Variants in ATP2B3 observed in about 807,000 individuals in gnomAD.
ATP2B3 encodes ATPase plasma membrane Ca2+ transporting 3, also known as plasma membrane calcium-transporting ATPase 3.
In ATP2B3, 12 loss-of-function variants were observed where a neutral mutation model predicts 70.8. The ratio of observed to expected loss-of-function variants is 0.17; its 90% CI spans 0.11 to 0.27. The LOEUF (loss-of-function observed/expected upper bound fraction) is 0.27, where lower values mean the gene tolerates loss of function less well. ATP2B3 is among the 10% of genes least tolerant of loss of function. ATP2B3 has a pLI of 1.00. For synonymous variants in ATP2B3, 460 were observed against 497.8 expected (o/e 0.92, Z 1.01); for missense variants, 858 against 1,118.5 (o/e 0.77, Z 3.32).
intron 15 of ATP2B3, 133 bp downstream of exon 15, chrX:153,556,551 CA>C (rs1176271576): frequency 1.4e-6 from 1 of 689,778 alleles, no homozygotes; most frequent in African/African-American, 2.2e-5. Context: ...CCCATTAGCC[CA>C]GAGCAGCAGG....
chrX:153,572,052 C>G (rs781854563), intron 21 of ATP2B3, among the ~76,000 whole-genome samples: 1 of 112,841 alleles, frequency 8.9e-6, no homozygotes, highest in East Asian at 2.8e-4. Context: ...TCACCAAGCC[C>G]AGCACTCTCA....
intron 2 of ATP2B3, among the ~76,000 whole-genome samples, chrX:153,528,510 G>A (rs113467650): frequency 8.9e-6 from 1 of 111,976 alleles, no homozygotes; most frequent in Non-Finnish European, 1.9e-5. Flanking sequence ...CCTCAGGGAG[G>A]CCTCCTGGCT....
intron 2 of ATP2B3, among the ~76,000 whole-genome samples, chrX:153,531,654 T>C (rs1441192571): frequency 2.2e-4 from 25 of 112,730 alleles, no homozygotes; most frequent in Non-Finnish European, 5.6e-5. Context: ...TGGGCCTGGC[T>C]CTGGCTTCCA....
rs185483615 is a variant in ATP2B3, at chrX:153,548,017, T to G, written c.1123+18T>G. On this transcript the variant is annotated intron_variant, in intron 9 of 21. Transcript: ENST00000263519. ...GAAAGCAGGTAGGGACAGCAGGAGG[T>G]GGTGGGCCCAGGCCATTGACTGGGC... 3.5e-3 allele frequency: 4,122 copies of G among 1,187,069 alleles called. 99 individuals are homozygous for G. In the African/African-American group the frequency reaches 0.06, roughly 17 times the overall value.
intron 21 of ATP2B3, among the ~76,000 whole-genome samples, chrX:153,571,154 G>T (rs1055568235): frequency 1.1e-4 from 12 of 112,374 alleles, no homozygotes; most frequent in Non-Finnish European, 2.1e-4. Context: ...CTGAAAAGCA[G>T]TCGGCGCCTC....
chrX:153,521,179 A>C (rs1556997730), intron 2 of ATP2B3, among the ~76,000 whole-genome samples: 1 of 113,044 alleles, frequency 8.8e-6, no homozygotes, highest in Admixed American at 9.3e-5. Flanking sequence ...GACCTGGAGC[A>C]TGCACAGGGC....
At chrX:153,574,714 A>G in intron 21 of ATP2B3, 1 of 306,156 alleles carries the variant, frequency 3.3e-6, no homozygotes, top group Non-Finnish European at 6.5e-6. Context: ...GCCCTTCTCC[A>G]CCCTCATCCT....
intron 20 of ATP2B3, among the ~76,000 whole-genome samples, chrX:153,562,824 CACTT>C (rs1480018719): frequency 1.8e-5 from 2 of 112,430 alleles, no homozygotes; most frequent in Admixed American, 9.4e-5. Context: ...AGACAACAGA[CACTT>C]ACTTTCTCGA....
intron 11 of ATP2B3, 136 bp from the exon 12 acceptor site, chrX:153,549,909 G>A (rs2090430724): frequency 1.4e-5 from 15 of 1,092,822 alleles, no homozygotes; most frequent in Non-Finnish European, 1.8e-5. Flanking sequence ...CTGTAGCTAA[G>A]GCCGACCTTC....
chrX:153,579,404 G>A (rs1389712876), intron 21 of ATP2B3, among the ~76,000 whole-genome samples: 1 of 112,939 alleles, frequency 8.9e-6, no homozygotes, highest in African/African-American at 3.2e-5. Context: ...AGACCCATGC[G>A]AGAAAGGCCG....
intron 2 of ATP2B3, among the ~76,000 whole-genome samples, chrX:153,522,381 G>A (rs148049471): frequency 3.2e-3 from 360 of 112,343 alleles, no homozygotes; most frequent in African/African-American, 0.011. Flanking sequence ...GGCTGGGGCC[G>A]GGAGGATGGA....
chrX:153,575,986 G>T (rs782357198), intron 21 of ATP2B3, among the ~76,000 whole-genome samples: 2 of 112,072 alleles, frequency 1.8e-5, no homozygotes, highest in African/African-American at 6.5e-5. Flanking sequence ...ACCCGGATGA[G>T]ATGGGGAGTC....
intron 2 of ATP2B3, among the ~76,000 whole-genome samples, chrX:153,528,240 C>T (rs934599294): frequency 3.6e-5 from 4 of 112,547 alleles, no homozygotes; most frequent in Non-Finnish European, 5.6e-5. Context: ...TGGAGCTAGA[C>T]CACTTGAGGT....
chrX:153,532,009 C>T (rs1158867775), intron 2 of ATP2B3, among the ~76,000 whole-genome samples: 3 of 111,839 alleles, frequency 2.7e-5, no homozygotes, highest in Admixed American at 9.4e-5. Flanking sequence ...GTCATCAGAG[C>T]GTCCCAGCAA....
chrX:153,529,491 C>T (rs942153762), intron 2 of ATP2B3, among the ~76,000 whole-genome samples: 28 of 112,065 alleles, frequency 2.5e-4, no homozygotes, highest in Non-Finnish European at 1.9e-5. Context: ...CCATTCAGGC[C>T]CAGTGTCCAC....
At chrX:153,550,532 G>A (rs953841724) in intron 12 of ATP2B3, among the ~76,000 whole-genome samples, 2 of 111,856 alleles carry the variant, frequency 1.8e-5, no homozygotes, top group African/African-American at 3.3e-5. Context: ...AGCCTCATGT[G>A]CTTCCTGTCT....
Position 153,558,289 on chromosome X carries a change from G to A in ATP2B3, c.2611G>A (p.Ala871Thr), listed in dbSNP as rs782755399. Residue 871 changes from alanine (A) to threonine (T), a missense_variant, in exon 17 of 22, where the codon GCC (alanine) becomes ACC (threonine). By Grantham distance (58) the Ala-to-Thr change is moderately conservative. Around this residue, in one of 5 missense-constraint regions of ATP2B3, gnomAD observed 50 missense variants for 106.7 expected, o/e 0.47. Transcript: ENST00000263519. The part of the protein sequence containing the change: ...VVAVIVAFTG[A>T]CITQDSPLKA... ...GGCTGTGATCGTGGCCTTCACAGGT[G>A]CCTGCATTACTCAGGTGGGTACTGG... The A allele has an allele frequency of 8.3e-7, 1 of 1,208,852 alleles. No individual in the cohort carries two copies. The highest frequency in any genetic ancestry group is 1.1e-6 in the Non-Finnish European group (1 of 894,334).
At chrX:153,576,320 G>A (rs1557021371) in intron 21 of ATP2B3, among the ~76,000 whole-genome samples, 1 of 111,511 alleles carries the variant, frequency 9.0e-6, no homozygotes, top group Non-Finnish European at 1.9e-5. Flanking sequence ...CAATGGAGGT[G>A]AGGAGAGGCT....
At position 153,562,728 on chromosome X, in the gene ATP2B3, G is replaced by C. The variant is rs139871837; in HGVS notation, c.3159+486G>C. 5.8e-3 allele frequency among the ~76,000 whole-genome samples: 656 copies of C among 112,504 alleles called. 7 individuals are homozygous for C. The highest frequency in any genetic ancestry group is 0.02 in the African/African-American group (626 of 31,024). ...TAGGACCCCACAATTAGATCAGGAA[G>C]AAACAGCCTGGGTATTTAGGATCCG... is the stretch of plus-strand genomic sequence containing the variant. On this transcript the variant is annotated intron_variant, in intron 20 of 21. Transcript: ENST00000263519.
Sources: allele counts gnomAD v4.1 joint callset (sites outside exome capture counted in the v4.1 genomes callset), GRCh38; gene constraint gnomAD v4.1.1; regional missense constraint gnomAD v4.1.1; transcripts MANE v1.5; gene names NCBI Gene and HGNC (gene_info 2026-07-23, HGNC 2026-07-21).